The following ANXA11 variants were observed in gnomAD, a reference collection of about 807,000 sequenced individuals.
ANXA11 encodes 56 kDa autoantigen.
A neutral mutation model predicts 64.7 loss-of-function variants in ANXA11; 57 were observed. The observed-to-expected ratio is 0.88, with a 90% CI of 0.71 to 1.10. The LOEUF is 1.10. Among genes scored for constraint, ANXA11 ranks in the 50% least tolerant of loss-of-function variants. The pLI is 0.00. For missense variants in ANXA11, 675 were observed against 670.7 expected (o/e 1.01, Z -0.07); for synonymous variants, 260 against 265.2 (o/e 0.98, Z 0.19).
chr10:80,171,414 G>A, intron 3 of ANXA11: 1 of 373,592 alleles, frequency 2.7e-6, no homozygotes, highest in Non-Finnish European at 3.8e-6. Flanking sequence ...GGGACATGGG[G>A]CTGGGTCATG....
chr10:80,205,209 C>T (rs1840619003), intron 1 of ANXA11, 134 bp downstream of exon 1: 3 of 152,164 alleles, frequency 2.0e-5, no homozygotes, highest in African/African-American at 7.2e-5. Context: ...CACCCCCACG[C>T]CTGTAGTGCA....
intron 11 of ANXA11, 54 bp from the exon 12 acceptor site, chr10:80,162,082 C>A: frequency 6.9e-7 from 1 of 1,441,912 alleles, no homozygotes; most frequent in Non-Finnish European, 9.6e-7. Context: ...GACCCCAGGC[C>A]CAGGTCACCC....
At chr10:80,201,245 C>A (rs1191678273) in intron 1 of ANXA11, among the ~76,000 whole-genome samples, 1 of 152,146 alleles carries the variant, frequency 6.6e-6, no homozygotes, top group Non-Finnish European at 1.5e-5. Flanking sequence ...CTCCATCCCA[C>A]GAAGCAGACT....
chr10:80,168,262 G>A (rs559399390), intron 5 of ANXA11, among the ~76,000 whole-genome samples: 4 of 144,856 alleles, frequency 2.8e-5, no homozygotes, highest in African/African-American at 7.5e-5. Flanking sequence ...CGGGGGGGGC[G>A]GGGGTGGTGC....
chr10:80,161,558 G>A (rs191038051), intron 12 of ANXA11, among the ~76,000 whole-genome samples: 6 of 152,372 alleles, frequency 3.9e-5, no homozygotes, highest in South Asian at 2.1e-4. Flanking sequence ...TGACCCATGC[G>A]GGAGCGCGAT....
At chr10:80,171,062 C>T (rs1415044290) in intron 3 of ANXA11, 147 bp from the exon 4 acceptor site, 1 of 1,523,380 alleles carries the variant, frequency 6.6e-7, no homozygotes, top group African/African-American at 1.4e-5. Flanking sequence ...CACATGAAAA[C>T]ACCAGGAGGA....
intron 12 of ANXA11, 87 bp downstream of exon 12, chr10:80,161,848 G>T: frequency 8.3e-7 from 1 of 1,200,526 alleles, no homozygotes; most frequent in South Asian, 1.2e-5. Context: ...AGGGAGGAAC[G>T]ACCAAGTGTT....
intron 5 of ANXA11, 74 bp downstream of exon 5, chr10:80,168,895 C>T: frequency 2.8e-6 from 4 of 1,411,240 alleles, no homozygotes; most frequent in Non-Finnish European, 1.9e-6. Flanking sequence ...CCTGTCTCCC[C>T]ATCTACTGAG....
rs1342673271 is a variant in ANXA11, at chr10:80,169,065, C to A, written c.465G>T (p.Gln155His). The A allele has an allele frequency of 1.3e-6, 2 of 1,538,304 alleles. No homozygotes were observed. The highest frequency in any genetic ancestry group is 2.3e-5 in the East Asian group (1 of 44,230). ...PGQPPVTYPG[Q>H]PPVPLPGQQQ... The stretch of plus-strand genomic sequence containing the variant: ...GCTGCCCAGGGAGTGGCACTGGAGG[C>A]TGACCAGGGTAGGTCACTGGTGGCT... Residue 155 changes from glutamine (Q) to histidine (H), a missense_variant, in exon 5 of 16, where the codon CAG becomes CAT. Gln to His is a conservative substitution (Grantham distance 24). Coordinates refer to ENST00000422982, the MANE Select transcript of ANXA11 (RefSeq NM_145868.2).
At chr10:80,178,609 C>T (rs1274857792) in intron 1 of ANXA11, among the ~76,000 whole-genome samples, 2 of 152,234 alleles carry the variant, frequency 1.3e-5, no homozygotes, top group Non-Finnish European at 2.9e-5. Context: ...CCAGTTAAAT[C>T]GGTGCTTCTG....
chr10:80,188,912 T>G (rs1281886454), intron 1 of ANXA11, among the ~76,000 whole-genome samples: 1 of 151,538 alleles, frequency 6.6e-6, no homozygotes, highest in African/African-American at 2.4e-5. Flanking sequence ...GTGAGGGGAG[T>G]GTCCAGCCAA....
intron 1 of ANXA11, among the ~76,000 whole-genome samples, chr10:80,196,874 G>A (rs752282328): frequency 1.3e-5 from 2 of 152,290 alleles, no homozygotes; most frequent in East Asian, 1.9e-4. Context: ...TGGCACCTGG[G>A]GCAGCTCAGC....
chr10:80,161,323 G>A (rs1048951744), intron 12 of ANXA11, among the ~76,000 whole-genome samples: 6 of 152,138 alleles, frequency 3.9e-5, no homozygotes, highest in African/African-American at 1.2e-4. Context: ...CAAATGTCAC[G>A]ACCTCAGTGG....
intron 15 of ANXA11, chr10:80,156,819 T>C: frequency 4.7e-6 from 1 of 212,572 alleles, no homozygotes; most frequent in Non-Finnish European, 8.1e-6. Context: ...TCACTAATTC[T>C]CTAACAACAG....
Position 80,162,052 on chromosome 10 carries a change from T to C in ANXA11, c.1087-24A>G, listed in dbSNP as rs577767386. 5 of 1,597,494 alleles carry C rather than the reference T, an allele frequency of 3.1e-6. No individual in the cohort carries two copies. The African/African-American group carries it at 6.7e-5, about 21-fold the overall frequency. Reference sequence around the variant, plus strand: ...TCCTGGAGAGAGAGGAAGACGCACATGTGGCACAGGCCACACCCAGACCCC... The same window carrying C: ...TCCTGGAGAGAGAGGAAGACGCACACGTGGCACAGGCCACACCCAGACCCC... On this transcript the variant is annotated intron_variant, in intron 11 of 15. Transcript: ENST00000422982.
At chr10:80,161,863 T>C (rs919754010) in intron 12 of ANXA11, 72 bp downstream of exon 12, 3 of 1,340,266 alleles carry the variant, frequency 2.2e-6, no homozygotes, top group African/African-American at 1.4e-5. Flanking sequence ...AGTGTTCCCA[T>C]AGCTTTGTTT....
chr10:80,163,810 C>T (rs1845618072), intron 9 of ANXA11, among the ~76,000 whole-genome samples, 197 bp from the exon 10 acceptor site: 1 of 152,190 alleles, frequency 6.6e-6, no homozygotes, highest in African/African-American at 2.4e-5. Flanking sequence ...CTCTAGTCAG[C>T]CTTGGCCCAA....
At chr10:80,202,200 G>C (rs1201171418) in intron 1 of ANXA11, among the ~76,000 whole-genome samples, 2 of 150,934 alleles carry the variant, frequency 1.3e-5, no homozygotes, top group African/African-American at 4.9e-5. Context: ...TTCTGTGGGG[G>C]GGAAGCGGGG....
Position 80,167,227 on chromosome 10 carries a change from G to A in ANXA11, c.648C>T (p.Phe216=), listed in dbSNP as rs754142790. 1.7e-5 allele frequency: 27 copies of A among 1,613,834 alleles called. No homozygotes were observed. The highest frequency in any genetic ancestry group is 6.7e-5 in the East Asian group (3 of 44,882). The change falls in exon 6 of 16, where the codon TTC becomes TTT. Residue 216 remains phenylalanine, a splice_region_variant and synonymous_variant. Transcript: ENST00000422982. The part of the protein sequence containing the change: ...AEVLRKAMKG[F]GTDEQAIIDC... ...TTTGAGCCACCCAGGGTCTCTTACC[G>A]AAGCCTTTCATGGCCTTCCGCAGGA... is the stretch of plus-strand genomic sequence containing the variant.
Sources: gnomAD v4.1 joint callset for allele counts (sites outside exome capture counted in the v4.1 genomes callset) on GRCh38, gnomAD v4.1.1 for gene constraint, MANE v1.5 for transcripts, NCBI Gene and HGNC (gene_info 2026-07-23, HGNC 2026-07-21) for gene names.